The following ABHD12 variants were observed in gnomAD, a reference collection of about 807,000 sequenced individuals.
ABHD12 encodes lysophosphatidylserine lipase ABHD12.
ABHD12 carries 43 observed loss-of-function variants against 58.3 expected under a neutral mutation model. The observed-to-expected ratio is 0.74, with a 90% confidence interval of 0.58 to 0.95. The LOEUF is 0.95. Among genes scored for constraint, ABHD12 ranks in the 40% least tolerant of loss-of-function variants. ABHD12 has a pLI of 0.00. For synonymous variants in ABHD12, 219 were observed against 211.2 expected (o/e 1.04, Z -0.32); for missense variants, 539 against 537.2 (o/e 1.00, Z -0.03).
At chr20:25,295,529 C>G (rs570431234), downstream of ABHD12, 8 of 1,516,448 alleles carry the variant, frequency 5.3e-6, no homozygotes, top group East Asian at 1.6e-4. Flanking sequence ...GCCTCCTGCC[C>G]TGGGACTCTC....
At chr20:25,328,665 G>T (rs1194756984) in intron 2 of ABHD12, among the ~76,000 whole-genome samples, 3 of 152,160 alleles carry the variant, frequency 2.0e-5, no homozygotes, top group African/African-American at 7.2e-5. Context: ...AAACTTCCAA[G>T]CCCAAGAAAT....
chr20:25,332,664 G>A (rs7344059), intron 2 of ABHD12, among the ~76,000 whole-genome samples: 3,369 of 149,748 alleles, frequency 0.022, 121 homozygotes, highest in African/African-American at 0.076. Flanking sequence ...ACTCAAAACA[G>A]CTCAACTACA....
chr20:25,347,244 A>G (rs922114586), intron 1 of ABHD12, among the ~76,000 whole-genome samples: 2 of 152,190 alleles, frequency 1.3e-5, no homozygotes, highest in African/African-American at 4.8e-5. Flanking sequence ...GTTTTGCAAG[A>G]GTCTCATAAG....
At chr20:25,294,755 GTAGT>G (rs1282182869) in exon 13 of ABHD12, 1 of 649,682 alleles carries the variant, frequency 1.5e-6, no homozygotes, top group Non-Finnish European at 2.8e-6. Flanking sequence ...ACATTATAAT[GTAGT>G]TAGTGTTTTA....
At position 25,387,070 on chromosome 20, in the gene ABHD12, C is replaced by T. The variant is rs6050574; in HGVS notation, c.191+3443G>A. ...ACTGGCATTTGAGAAAACTCAATCACCATTTTTTATTTTAAAAACATCAGT... is the reference window on the plus strand; with the variant it reads ...ACTGGCATTTGAGAAAACTCAATCATCATTTTTTATTTTAAAAACATCAGT... On this transcript the variant is annotated intron_variant, in intron 1 of 12. Coordinates refer to ENST00000339157, the MANE Select transcript of ABHD12 (RefSeq NM_001042472.3). Among the ~76,000 whole-genome samples, 739 of 152,124 alleles carry T rather than the reference C, an allele frequency of 4.9e-3. 10 individuals carry two copies. The highest frequency in any genetic ancestry group is 0.017 in the African/African-American group (702 of 41,476).
chr20:25,341,077 T>C (rs1240797561), intron 1 of ABHD12, among the ~76,000 whole-genome samples: 1 of 152,238 alleles, frequency 6.6e-6, no homozygotes. Flanking sequence ...TCCGATAATG[T>C]AACTCATTCA....
intron 6 of ABHD12, among the ~76,000 whole-genome samples, chr20:25,310,882 T>C (rs1239718623): frequency 1.3e-5 from 2 of 152,140 alleles, no homozygotes; most frequent in African/African-American, 2.4e-5. Context: ...CCACGAGAAC[T>C]GAAACAGAAA....
At chr20:25,342,776 C>G (rs948709996) in intron 1 of ABHD12, among the ~76,000 whole-genome samples, 1 of 151,966 alleles carries the variant, frequency 6.6e-6, no homozygotes, top group African/African-American at 2.4e-5. Flanking sequence ...TTTGTAGATA[C>G]GAGGTCTCCC....
At chr20:25,318,490 C>T (rs1213843749) in intron 4 of ABHD12, among the ~76,000 whole-genome samples, 3 of 152,000 alleles carry the variant, frequency 2.0e-5, no homozygotes, top group African/African-American at 4.8e-5. Context: ...CAGGGGGACC[C>T]GGGTGGTGGA....
rs766200569 is a variant in ABHD12, at chr20:25,390,541, C to T, written c.163G>A (p.Asp55Asn). The change falls in exon 1 of 13, where the codon GAC (aspartate) becomes AAC (asparagine). Residue 55 changes from aspartate to asparagine, a missense_variant. Asp to Asn is a conservative substitution (Grantham distance 23). Transcript: ENST00000339157. The part of the protein sequence containing the change: ...PAAAEPRCAA[D>N]AGMKRALGRR... ...CCCAGCGCCCGCTTCATTCCCGCGTCGGCTGCGCAGCGCGGCTCAGCCGCC... is the reference window on the plus strand; with the variant it reads ...CCCAGCGCCCGCTTCATTCCCGCGTTGGCTGCGCAGCGCGGCTCAGCCGCC... 1 of 1,452,162 alleles carries T rather than the reference C, an allele frequency of 6.9e-7. No homozygotes were observed. The highest frequency in any genetic ancestry group is 1.3e-5 in the South Asian group (1 of 78,196). The allele number at this position is 1,452,162 out of a possible 1,614,324, so 90.0% of individuals were successfully genotyped here.
chr20:25,349,774 G>A (rs1480055873), intron 1 of ABHD12, among the ~76,000 whole-genome samples: 4 of 152,188 alleles, frequency 2.6e-5, no homozygotes, highest in Non-Finnish European at 5.9e-5. Flanking sequence ...TTGCTTAACG[G>A]TTTCAGAGTT....
intron 1 of ABHD12, among the ~76,000 whole-genome samples, chr20:25,383,395 G>A (rs2090045248): frequency 1.3e-5 from 2 of 152,174 alleles, no homozygotes; most frequent in Admixed American, 1.3e-4. Context: ...TCGGTTGGGA[G>A]TTGGAGGATA....
At chr20:25,303,674 A>G in intron 10 of ABHD12, 46 bp from the exon 11 acceptor site, 2 of 1,610,606 alleles carry the variant, frequency 1.2e-6, no homozygotes, top group East Asian at 2.2e-5. Flanking sequence ...GAAAGGGCAG[A>G]GTTGCCCAGA....
Position 25,309,553 on chromosome 20 carries a change from C to G in ABHD12, c.642G>C (p.Thr214=). ...CATAGGTCATGCCCCGCTCAGATGG[C>G]GTTCCCACTGAGTCACCCCAACCTG... ...DYRGWGDSVG[T]PSERGMTYDA... is the part of the protein sequence containing the mutation. The change falls in exon 7 of 13, where the codon ACG becomes ACC. Residue 214 remains threonine, a synonymous_variant. Coordinates refer to ENST00000339157, the MANE Select transcript of ABHD12 (RefSeq NM_001042472.3). The G allele has an allele frequency of 1.9e-6, 3 of 1,614,134 alleles. No homozygotes were observed. Among genetic ancestry groups the G allele is most frequent in the Non-Finnish European group, 2.5e-6 (3 of 1,180,004 alleles).
intron 1 of ABHD12, chr20:25,339,743 G>T: frequency 7.5e-7 from 1 of 1,333,730 alleles, no homozygotes; most frequent in South Asian, 1.2e-5. Context: ...TCCGTCTTCT[G>T]TGAGACAACT....
chr20:25,388,168 TGTC>T (rs2090119440), intron 1 of ABHD12, among the ~76,000 whole-genome samples: 2 of 151,574 alleles, frequency 1.3e-5, no homozygotes, highest in Non-Finnish European at 2.9e-5. Flanking sequence ...CTCATTAGAT[TGTC>T]TTCTCTACTT....
At chr20:25,333,676 C>A (rs1446102811) in intron 2 of ABHD12, among the ~76,000 whole-genome samples, 1 of 151,748 alleles carries the variant, frequency 6.6e-6, no homozygotes. Context: ...TAAATGTAAT[C>A]CAGCATATAA....
At chr20:25,367,102 TG>T (rs905196978) in intron 1 of ABHD12, among the ~76,000 whole-genome samples, 1 of 152,250 alleles carries the variant, frequency 6.6e-6, no homozygotes, top group African/African-American at 2.4e-5. Context: ...ATCTGAGGAA[TG>T]TTTTTTGAAT....
At chr20:25,305,780 G>A (rs992082746) in intron 10 of ABHD12, among the ~76,000 whole-genome samples, 1 of 152,042 alleles carries the variant, frequency 6.6e-6, no homozygotes, top group Non-Finnish European at 1.5e-5. Context: ...CTTAACTTTT[G>A]GTTTACCTAA....
Sources: gnomAD v4.1 joint callset for allele counts (sites outside exome capture counted in the v4.1 genomes callset) on GRCh38, gnomAD v4.1.1 for gene constraint, MANE v1.5 for transcripts, NCBI Gene and HGNC (gene_info 2026-07-23, HGNC 2026-07-21) for gene names.